HS3ST4: variants seen among roughly 807,000 people sequenced by gnomAD.
HS3ST4 encodes heparan sulfate glucosamine 3-O-sulfotransferase 4.
Under a neutral mutation model 29.2 loss-of-function variants are expected in HS3ST4, and 17 were observed. The ratio of observed to expected loss-of-function variants is 0.58; its 90% CI spans 0.40 to 0.87. The LOEUF is 0.87. HS3ST4 is among the 40% of genes least tolerant of loss of function. The pLI is 0.00. For missense variants in HS3ST4, 627 were observed against 634.5 expected, an observed-to-expected ratio of 0.99 and a Z score of 0.13; for synonymous variants, 314 against 285.7, an observed-to-expected ratio of 1.10 and a Z score of -1.00.
chr16:26,062,032 C>G (rs1350767189), intron 1 of HS3ST4, among the ~76,000 whole-genome samples: 1 of 152,200 alleles, frequency 6.6e-6, no homozygotes, highest in Non-Finnish European at 1.5e-5. Flanking sequence ...GGATAGGCTA[C>G]ATCATGTGTT....
Position 25,924,616 on chromosome 16 carries a change from C to A in HS3ST4, c.735-210996C>A, listed in dbSNP as rs140011033. Among the ~76,000 whole-genome samples the A allele has an allele frequency of 1.8e-3, 269 of 152,324 alleles. 2 individuals carry two copies. Among genetic ancestry groups the A allele is most frequent in the African/African-American group, 6.2e-3 (257 of 41,580 alleles). On this transcript the variant is annotated intron_variant, in intron 1 of 1. Coordinates refer to ENST00000331351, the MANE Select transcript of HS3ST4 (RefSeq NM_006040.3). ...TACCCCATTTAAGCAAAATTGAAAT[C>A]TTTGCAATGGCCATAAAGTCCTGCA...
chr16:26,080,530 T>C (rs1048674578), intron 1 of HS3ST4, among the ~76,000 whole-genome samples: 4 of 152,014 alleles, frequency 2.6e-5, no homozygotes, highest in Non-Finnish European at 4.4e-5. Flanking sequence ...GGAAGTTAGA[T>C]AGAGAAGGCA....
intron 1 of HS3ST4, among the ~76,000 whole-genome samples, chr16:25,943,478 A>G (rs1968594302): frequency 6.6e-6 from 1 of 152,194 alleles, no homozygotes; most frequent in Admixed American, 6.5e-5. Flanking sequence ...ACTGGATGAC[A>G]TTTTGGGGCT....
At chr16:26,049,339 A>G (rs1182593851) in intron 1 of HS3ST4, among the ~76,000 whole-genome samples, 5 of 86,774 alleles carry the variant, frequency 5.8e-5, no homozygotes, top group Non-Finnish European at 3.0e-5. Flanking sequence ...CCGGAGGTCT[A>G]CATCCGGAGG....
rs138868887 is a variant in HS3ST4, at chr16:26,099,572, C to T, written c.735-36040C>T. On this transcript the variant is annotated intron_variant, in intron 1 of 1. Coordinates refer to ENST00000331351, the MANE Select transcript of HS3ST4 (RefSeq NM_006040.3). ...CACAGTCAATACAGAAATTTTAAAA[C>T]GAAAGGAACTCCATCAGGCACTGAA... Among the ~76,000 whole-genome samples, 666 of 152,210 alleles carry T rather than the reference C, an allele frequency of 4.4e-3. 5 individuals carry two copies. The highest frequency in any genetic ancestry group is 0.015 in the African/African-American group (622 of 41,526).
chr16:25,903,994 T>C (rs1968149302), intron 1 of HS3ST4, among the ~76,000 whole-genome samples: 1 of 152,166 alleles, frequency 6.6e-6, no homozygotes, highest in African/African-American at 2.4e-5. Context: ...AATGAATCAA[T>C]GGGTGGATAA....
intron 1 of HS3ST4, among the ~76,000 whole-genome samples, chr16:26,082,833 T>A (rs868502581): frequency 2.6e-5 from 4 of 152,216 alleles, no homozygotes; most frequent in African/African-American, 9.6e-5. Context: ...CCTTGCATCT[T>A]ACCAAGTGCA....
chr16:25,783,548 T>C (rs985367963), intron 1 of HS3ST4, among the ~76,000 whole-genome samples: 2 of 152,090 alleles, frequency 1.3e-5, no homozygotes, highest in Non-Finnish European at 2.9e-5. Flanking sequence ...ATACTTTAGC[T>C]ACTCTTGGGG....
intron 1 of HS3ST4, among the ~76,000 whole-genome samples, chr16:26,009,401 T>G (rs1300309630): frequency 6.6e-6 from 1 of 152,230 alleles, no homozygotes; most frequent in Non-Finnish European, 1.5e-5. Context: ...TCCTGAAACA[T>G]GTTGATGGCT....
At chr16:25,722,953 G>A (rs760533809) in intron 1 of HS3ST4, among the ~76,000 whole-genome samples, 36 of 152,294 alleles carry the variant, frequency 2.4e-4, no homozygotes, top group Admixed American at 4.6e-4. Context: ...TGGCTGAGGA[G>A]GCCTCACAAT....
intron 1 of HS3ST4, among the ~76,000 whole-genome samples, chr16:26,044,997 G>T (rs142806998): frequency 1.3e-5 from 2 of 152,166 alleles, no homozygotes; most frequent in African/African-American, 2.4e-5. Flanking sequence ...ACTGACTGCC[G>T]TCTGTGCAAC....
rs1401833794 is a variant in HS3ST4, at chr16:25,742,448, A to AT, written c.734+49298dup. 2.6e-5 allele frequency among the ~76,000 whole-genome samples: 4 copies of AT among 152,356 alleles called. No homozygotes were observed. In the East Asian group the frequency reaches 7.7e-4, roughly 29 times the overall value. ...GTGATCAGGGGAATAGACTGTGGCT[A>AT]TCAGCCAGGTCAGAAACATGGGAAC... On this transcript the variant is annotated intron_variant, in intron 1 of 1. Transcript: ENST00000331351.
chr16:25,818,316 G>A (rs1209435528), intron 1 of HS3ST4, among the ~76,000 whole-genome samples: 1 of 152,154 alleles, frequency 6.6e-6, no homozygotes, highest in Non-Finnish European at 1.5e-5. Context: ...GACCAGAGTT[G>A]TTCCCTTCCA....
At chr16:25,854,596 A>G (rs1967556731) in intron 1 of HS3ST4, among the ~76,000 whole-genome samples, 1 of 151,988 alleles carries the variant, frequency 6.6e-6, no homozygotes, top group Non-Finnish European at 1.5e-5. Context: ...GCCTTATGTA[A>G]CCAGCCCATC....
At chr16:25,929,926 T>C (rs1020975023) in intron 1 of HS3ST4, among the ~76,000 whole-genome samples, 2 of 152,214 alleles carry the variant, frequency 1.3e-5, no homozygotes, top group Non-Finnish European at 2.9e-5. Context: ...TGCCCAACAG[T>C]TATTTTTCCT....
chr16:26,013,246 G>A (rs1230539726), intron 1 of HS3ST4, among the ~76,000 whole-genome samples: 1 of 152,032 alleles, frequency 6.6e-6, no homozygotes, highest in Non-Finnish European at 1.5e-5. Flanking sequence ...GTGTGGCAGA[G>A]TAGTTAGGGA....
chr16:26,013,722 C>T (rs1969335292), intron 1 of HS3ST4, among the ~76,000 whole-genome samples: 1 of 152,094 alleles, frequency 6.6e-6, no homozygotes, highest in African/African-American at 2.4e-5. Flanking sequence ...AAAAAGCACC[C>T]ACTCTGGCCG....
chr16:25,935,696 C>T (rs1382504346), intron 1 of HS3ST4, among the ~76,000 whole-genome samples: 1 of 152,098 alleles, frequency 6.6e-6, no homozygotes, highest in Non-Finnish European at 1.5e-5. Flanking sequence ...GGATGTGACA[C>T]AATTTGTTTA....
chr16:25,799,080 TG>T (rs1384778467), intron 1 of HS3ST4, among the ~76,000 whole-genome samples: 1 of 152,204 alleles, frequency 6.6e-6, no homozygotes, highest in African/African-American at 2.4e-5. Flanking sequence ...GTCTCTTCAG[TG>T]AGGAAAAGGC....
Sources: allele counts gnomAD v4.1 joint callset (sites outside exome capture counted in the v4.1 genomes callset), GRCh38; gene constraint gnomAD v4.1.1; transcripts MANE v1.5; gene names NCBI Gene and HGNC (gene_info 2026-07-23, HGNC 2026-07-21).